FARP1: variants seen among roughly 807,000 people sequenced by gnomAD.
FARP1 encodes FERM, ARH/RhoGEF and pleckstrin domain protein 1, also known as FERM, ARHGEF and pleckstrin domain-containing protein 1.
A neutral mutation model predicts 128.8 loss-of-function variants in FARP1; 52 were observed. The ratio of observed to expected loss-of-function variants is 0.40; its 90% CI spans 0.32 to 0.51. The LOEUF (loss-of-function observed/expected upper bound fraction) is 0.51. FARP1 is among the 20% of genes least tolerant of loss of function. The probability of loss-of-function intolerance (pLI) is 0.45; values close to 1 mark genes in which losing one functional copy is unlikely to be tolerated. For synonymous variants in FARP1, 580 were observed against 551.8 expected (o/e 1.05, Z -0.72); for missense variants, 1,333 against 1,367.9 (o/e 0.97, Z 0.40).
chr13:98,355,440 A>C (rs1888602204), intron 3 of FARP1, among the ~76,000 whole-genome samples: 1 of 152,218 alleles, frequency 6.6e-6, no homozygotes, highest in South Asian at 2.1e-4. Context: ...AAATGTATGT[A>C]CTAAGGCAGT....
rs543450807 is a variant in FARP1, at chr13:98,450,997, G to C, written c.*2680G>C. On this transcript the variant is annotated 3_prime_UTR_variant, in exon 27 of 27. Transcript: ENST00000319562. The stretch of plus-strand genomic sequence containing the variant: ...CTAAAAGAACCACTTGTTGCTCTAC[G>C]GGGGAAGGGGCTGAGTATGATTTGT... The C allele has an allele frequency of 6.6e-6, 1 of 152,178 alleles. No individual in the cohort carries two copies. Among genetic ancestry groups the C allele is most frequent in the African/African-American group, 2.4e-5 (1 of 41,422 alleles). The allele number at this position is 152,178 out of a possible 1,614,324, so 9.4% of individuals were successfully genotyped here.
At chr13:98,349,672 G>GAAAAA (rs56376512) in intron 3 of FARP1, among the ~76,000 whole-genome samples, 14 of 59,854 alleles carry the variant, frequency 2.3e-4, no homozygotes, top group Admixed American at 4.6e-4. Context: ...CCATCTCAGG[G>GAAAAA]AAAAAAAAAA....
intron 2 of FARP1, 92 bp downstream of exon 2, chr13:98,213,505 G>A: frequency 3.1e-6 from 4 of 1,283,190 alleles, no homozygotes; most frequent in Non-Finnish European, 4.3e-6. Flanking sequence ...CCAGTGACAT[G>A]AGGCGGCTGG....
chr13:98,151,953 C>T (rs1300866512), intron 1 of FARP1, among the ~76,000 whole-genome samples: 1 of 152,184 alleles, frequency 6.6e-6, no homozygotes, highest in Non-Finnish European at 1.5e-5. Flanking sequence ...TGAGCCACCA[C>T]GCCTGGCCAT....
chr13:98,430,913 AT>A (rs1891984938), intron 17 of FARP1, 129 bp from the exon 18 acceptor site: 1 of 663,034 alleles, frequency 1.5e-6, no homozygotes, highest in South Asian at 1.9e-5. Flanking sequence ...ACAATGTGAA[AT>A]TTAAGGAAAT....
chr13:98,264,069 C>CA (rs1457118017), intron 2 of FARP1, among the ~76,000 whole-genome samples: 2 of 152,192 alleles, frequency 1.3e-5, no homozygotes, highest in East Asian at 3.9e-4. Context: ...GGGCACAAGG[C>CA]AGGCATAGCC....
intron 6 of FARP1, 74 bp downstream of exon 6, chr13:98,377,992 C>A: frequency 8.9e-7 from 1 of 1,119,122 alleles, no homozygotes. Context: ...AAAAAAATCA[C>A]ATCCACCAAA....
intron 3 of FARP1, among the ~76,000 whole-genome samples, chr13:98,347,297 AT>A (rs1888221759): frequency 6.6e-6 from 1 of 152,188 alleles, no homozygotes; most frequent in Non-Finnish European, 1.5e-5. Context: ...ATTTGTAACC[AT>A]TTGTAAGTGT....
intron 1 of FARP1, among the ~76,000 whole-genome samples, chr13:98,204,892 G>A (rs1320837723): frequency 1.3e-5 from 2 of 152,018 alleles, no homozygotes; most frequent in East Asian, 3.9e-4. Context: ...AGGTTACAGT[G>A]AGCTGTGATC....
At chr13:98,390,929 C>T (rs372083601) in intron 11 of FARP1, 49 bp downstream of exon 11, 1 of 1,266,638 alleles carries the variant, frequency 7.9e-7, no homozygotes, top group African/African-American at 1.5e-5. Context: ...CTCAGACTCG[C>T]CAGGTAACAG....
intron 26 of FARP1, 144 bp downstream of exon 26, chr13:98,446,961 C>T: frequency 1.3e-6 from 1 of 788,886 alleles, no homozygotes; most frequent in Non-Finnish European, 2.0e-6. Context: ...CACTGCCCGA[C>T]ACCAGCAGGC....
At chr13:98,196,778 T>C (rs748924120) in intron 1 of FARP1, among the ~76,000 whole-genome samples, 8 of 152,216 alleles carry the variant, frequency 5.3e-5, no homozygotes, top group Non-Finnish European at 1.2e-4. Context: ...TAATCATTAA[T>C]TTCTTTAGTA....
intron 5 of FARP1, among the ~76,000 whole-genome samples, chr13:98,375,487 A>G (rs1458624765): frequency 2.0e-5 from 3 of 152,232 alleles, no homozygotes; most frequent in Non-Finnish European, 1.5e-5. Context: ...TCCTCTGGCC[A>G]GGCAGGTTAC....
At chr13:98,418,269 TG>T (rs1891462439) in intron 16 of FARP1, among the ~76,000 whole-genome samples, 1 of 148,778 alleles carries the variant, frequency 6.7e-6, no homozygotes, top group Admixed American at 6.6e-5. Flanking sequence ...TGTTTTGTTT[TG>T]TTTTGTTTTT....
Position 98,322,496 on chromosome 13 carries a change from T to C in FARP1, c.172-21266T>C, listed in dbSNP as rs112792027. Among the ~76,000 whole-genome samples, 1,294 of 152,298 alleles carry C rather than the reference T, an allele frequency of 8.5e-3. 21 individuals carry two copies. Among genetic ancestry groups the C allele is most frequent in the African/African-American group, 0.029 (1,203 of 41,552 alleles). Reference sequence around the variant, plus strand: ...GCACTGGGATTTGGACTGCAGTTCATCTTGCTTGCAAGAGCCACCATGCTG... The same window carrying C: ...GCACTGGGATTTGGACTGCAGTTCACCTTGCTTGCAAGAGCCACCATGCTG... On this transcript the variant is annotated intron_variant, in intron 2 of 26. Transcript: ENST00000319562.
chr13:98,430,055 A>G (rs1891950604), intron 17 of FARP1, among the ~76,000 whole-genome samples: 1 of 152,170 alleles, frequency 6.6e-6, no homozygotes, highest in African/African-American at 2.4e-5. Flanking sequence ...CAGCCTGGGC[A>G]ACATAGTGAG....
At chr13:98,169,835 T>C (rs1383911406) in intron 1 of FARP1, among the ~76,000 whole-genome samples, 2 of 152,166 alleles carry the variant, frequency 1.3e-5, no homozygotes, top group Non-Finnish European at 2.9e-5. Flanking sequence ...CTCCATTTAG[T>C]CTGGAGACCA....
chr13:98,345,488 C>T (rs1052309032), intron 3 of FARP1: 5 of 152,188 alleles, frequency 3.3e-5, no homozygotes, highest in South Asian at 2.1e-4. Context: ...TTCTAGGTAC[C>T]GGGCAGGGCT....
rs1236367339 is a variant in FARP1, at chr13:98,450,465, T to G, written c.*2148T>G. On this transcript the variant is annotated 3_prime_UTR_variant, in exon 27 of 27. Coordinates refer to ENST00000319562, the MANE Select transcript of FARP1 (RefSeq NM_005766.4). ...TATTGGATAAGGAAGGCAGATGCAC[T>G]TCCAAGAAAATCAGAACCCAGCAAG... 6.6e-6 allele frequency: 1 copy of G among 152,272 alleles called. No individual in the cohort carries two copies. The highest frequency in any genetic ancestry group is 2.4e-5 in the African/African-American group (1 of 41,458). The allele number at this position is 152,272 out of a possible 1,614,324, so 9.4% of individuals were successfully genotyped here. A position where few individuals can be genotyped will look rare whatever the true frequency, so the allele number is the denominator to read the frequency against.
Sources: gnomAD v4.1 joint callset for allele counts (sites outside exome capture counted in the v4.1 genomes callset) on GRCh38, gnomAD v4.1.1 for gene constraint, MANE v1.5 for transcripts, NCBI Gene and HGNC (gene_info 2026-07-23, HGNC 2026-07-21) for gene names.